Variants in LSS observed in about 807,000 individuals in gnomAD.
The protein encoded by LSS is 2,3-epoxysqualene-lanosterol cyclase.
A neutral mutation model predicts 110.3 loss-of-function variants in LSS; 90 were observed. That is an observed-to-expected ratio of 0.82 (90% CI 0.69 to 0.97). The LOEUF is 0.97. LSS is among the 50% of genes least tolerant of loss of function. The pLI, the probability that LSS is intolerant of heterozygous loss-of-function variation, is 0.00. For missense variants in LSS, 927 were observed against 990.0 expected, an observed-to-expected ratio of 0.94 and a Z score of 0.85; for synonymous variants, 433 against 400.0, an observed-to-expected ratio of 1.08 and a Z score of -0.98.
At chr21:46,226,995 TC>T (rs2123768200) in intron 3 of LSS, among the ~76,000 whole-genome samples, 1 of 152,312 alleles carries the variant, frequency 6.6e-6, no homozygotes, top group South Asian at 2.1e-4. Flanking sequence ...TTGCATAAAT[TC>T]ATAGGAGGGA....
Position 46,213,054 on chromosome 21 carries a change from T to C in LSS, c.1110-2A>G. 6.2e-7 allele frequency: 1 copy of C among 1,613,610 alleles called. No individual in the cohort carries two copies. Among genetic ancestry groups the C allele is most frequent in the Non-Finnish European group, 8.5e-7 (1 of 1,179,976 alleles). On this transcript the variant is annotated splice_acceptor_variant, in intron 10 of 21. Transcript: ENST00000397728. LOFTEE classifies it high-confidence loss of function. ...ATTTTCATGCCGTCAAGGCCCATCC[T>C]GTGAGGAGAAAAAAGCCCAAGTCAG...
At chr21:46,203,379 C>T (rs188456895) in intron 17 of LSS, among the ~76,000 whole-genome samples, 1 of 152,314 alleles carries the variant, frequency 6.6e-6, no homozygotes, top group East Asian at 1.9e-4. Flanking sequence ...TTTTAGAAAC[C>T]TCACCAGGCA....
intron 8 of LSS, 139 bp downstream of exon 8, chr21:46,215,546 G>A (rs1174173945): frequency 4.6e-6 from 3 of 647,138 alleles, no homozygotes; most frequent in African/African-American, 3.7e-5. Context: ...GAGGGGCAGG[G>A]CGATGAGATC....
chr21:46,206,044 G>A (rs906239937), intron 16 of LSS, 103 bp from the exon 17 acceptor site: 12 of 862,000 alleles, frequency 1.4e-5, no homozygotes, highest in Admixed American at 9.2e-5. Flanking sequence ...CAGTGAGCCC[G>A]GGCCCGGACG....
chr21:46,226,468 TC>T (rs2123767267), intron 3 of LSS, among the ~76,000 whole-genome samples: 1 of 152,256 alleles, frequency 6.6e-6, no homozygotes, highest in East Asian at 1.9e-4. Flanking sequence ...GGCCCTCAAA[TC>T]CCAGGACAGA....
intron 11 of LSS, among the ~76,000 whole-genome samples, chr21:46,211,085 T>C (rs182969021): frequency 6.1e-4 from 93 of 152,196 alleles, no homozygotes; most frequent in Non-Finnish European, 1.2e-3. Context: ...TCTCACCCAA[T>C]GACAGTGGCG....
At position 46,196,074 on chromosome 21, in the gene LSS, G is replaced by A. The variant is rs565353680; in HGVS notation, c.1736+128C>T. 57 of 933,780 alleles carry A rather than the reference G, an allele frequency of 6.1e-5. No individual in the cohort carries two copies. The African/African-American group carries it at 7.5e-4, about 12-fold the overall frequency. The allele number at this position is 933,780 out of a possible 1,614,324, so 57.8% of individuals were successfully genotyped here. ...CGAGGTCCCCCAGAAGTCACGGGCT[G>A]GCAGCTCACTTCCAGAAACTTCTGG... On this transcript the variant is annotated intron_variant, in intron 18 of 21. Transcript: ENST00000397728.
rs1397155628 is a variant in LSS, at chr21:46,188,760, C to T, written c.*2344G>A. ...AAGGCAGGGATACTGACACTGAAGT[C>T]CTGCCTGTGTAATAACACCGAAGAG... is the stretch of plus-strand genomic sequence containing the variant. On this transcript the variant is annotated 3_prime_UTR_variant, in exon 22 of 22. Coordinates refer to ENST00000397728, the MANE Select transcript of LSS (RefSeq NM_002340.6). The T allele has an allele frequency of 2.1e-6, 1 of 471,148 alleles. No individual in the cohort carries two copies. Among genetic ancestry groups the T allele is most frequent in the African/African-American group, 2.0e-5 (1 of 50,086 alleles). 29.2% of individuals were successfully genotyped at this position (471,148 alleles called of 1,614,324 possible). A position where few individuals can be genotyped will look rare whatever the true frequency, so the allele number is the denominator to read the frequency against.
chr21:46,196,946 C>T (rs988394607), intron 17 of LSS, among the ~76,000 whole-genome samples: 1 of 152,238 alleles, frequency 6.6e-6, no homozygotes, highest in African/African-American at 2.4e-5. Flanking sequence ...GTGCCGAGGA[C>T]CCTGTGTGCT....
chr21:46,218,273 T>C (rs539112074), intron 6 of LSS, among the ~76,000 whole-genome samples: 9 of 152,188 alleles, frequency 5.9e-5, no homozygotes, highest in Non-Finnish European at 1.0e-4. Flanking sequence ...TAAACTCATA[T>C]GCACGAGTGT....
In LSS at chr21:46,195,664, GCACT is replaced by G; in HGVS notation, c.1817+8_1817+11del. ...AGAACCCCCACCCACCAGAGGACAG[GCACT>G]CACTCACCCATCTCGGTAGGTCTGC... On this transcript the variant is annotated splice_region_variant and intron_variant, in intron 19 of 21. Transcript: ENST00000397728. 2 of 1,612,662 alleles carry G rather than the reference GCACT, an allele frequency of 1.2e-6. No homozygotes were observed. The highest frequency in any genetic ancestry group is 1.7e-5 in the Admixed American group (1 of 60,026).
chr21:46,225,522 T>A (rs181033355), intron 3 of LSS, among the ~76,000 whole-genome samples: 238 of 152,290 alleles, frequency 1.6e-3, no homozygotes, highest in Middle Eastern at 6.8e-3. Flanking sequence ...CTGACATCAG[T>A]CAGGCCCACC....
Position 46,196,169 on chromosome 21 carries a change from C to G in LSS, c.1736+33G>C, listed in dbSNP as rs1467549884. The G allele has an allele frequency of 2.5e-6, 4 of 1,602,426 alleles. No individual in the cohort carries two copies. The South Asian group carries it at 4.4e-5, about 18-fold the overall frequency. ...AGAGCAGAAACCTGTGGATCCCGTG[C>G]ATCTCTGCACTCACGAGTGGAGGCT... On this transcript the variant is annotated intron_variant, in intron 18 of 21. Transcript: ENST00000397728.
At chr21:46,218,111 C>A (rs2080230321) in intron 6 of LSS, among the ~76,000 whole-genome samples, 1 of 135,006 alleles carries the variant, frequency 7.4e-6, no homozygotes. Flanking sequence ...ACCCCCCACC[C>A]CCGCACCAAA....
intron 15 of LSS, 65 bp from the exon 16 acceptor site, chr21:46,206,833 C>T (rs1354420452): frequency 3.1e-5 from 37 of 1,196,746 alleles, no homozygotes; most frequent in Non-Finnish European, 4.3e-5. Flanking sequence ...GCCCAGGGCA[C>T]AGCGGAACTC....
intron 12 of LSS, among the ~76,000 whole-genome samples, chr21:46,210,332 C>T (rs1054350915): frequency 6.6e-6 from 1 of 152,086 alleles, no homozygotes; most frequent in Admixed American, 6.5e-5. Flanking sequence ...TCCCAAAGTG[C>T]TGGGATTACA....
At chr21:46,193,581 G>A (rs752529719) in intron 20 of LSS, 8 of 417,836 alleles carry the variant, frequency 1.9e-5, no homozygotes, top group Non-Finnish European at 2.8e-5. Flanking sequence ...GCATCTGTAC[G>A]TGTGTGTACA....
chr21:46,194,259 C>T (rs1254804863), intron 20 of LSS, among the ~76,000 whole-genome samples: 2 of 152,190 alleles, frequency 1.3e-5, no homozygotes, highest in African/African-American at 2.4e-5. Flanking sequence ...GGGTGGTTCA[C>T]TTCTAAGAGG....
At chr21:46,207,291 T>C (rs926333986) in intron 15 of LSS, 137 bp downstream of exon 15, 22 of 1,079,320 alleles carry the variant, frequency 2.0e-5, no homozygotes, top group African/African-American at 1.7e-4. Flanking sequence ...TCTCCACATA[T>C]AGACACCATC....
Sources: allele counts gnomAD v4.1 joint callset (sites outside exome capture counted in the v4.1 genomes callset), GRCh38; gene constraint gnomAD v4.1.1; transcripts MANE v1.5; gene names NCBI Gene and HGNC (gene_info 2026-07-23, HGNC 2026-07-21).